Variants in ZMIZ1 observed in about 807,000 individuals in gnomAD.
The protein encoded by ZMIZ1 is zinc finger MIZ-type containing 1, also known as zinc finger MIZ domain-containing protein 1.
In ZMIZ1, 17 loss-of-function variants were observed where a neutral mutation model predicts 113.9. That is an observed-to-expected ratio of 0.15 (90% confidence interval 0.10 to 0.22). The LOEUF (loss-of-function observed/expected upper bound fraction) is 0.22. Ranked by LOEUF, ZMIZ1 falls within the 10% of genes least tolerant of loss-of-function variation. The probability of loss-of-function intolerance (pLI) is 1.00; values close to 1 mark genes in which losing one functional copy is unlikely to be tolerated. For synonymous variants in ZMIZ1, 607 were observed against 603.1 expected, an observed-to-expected ratio of 1.01 and a Z score of -0.09; for missense variants, 1,059 against 1,477.8, an observed-to-expected ratio of 0.72 and a Z score of 4.65.
intron 3 of ZMIZ1, among the ~76,000 whole-genome samples, chr10:79,145,812 C>T (rs556599371): frequency 1.3e-5 from 2 of 152,294 alleles, no homozygotes; most frequent in African/African-American, 4.8e-5. Context: ...GCTCAACTGA[C>T]CCTCCCACCT....
chr10:79,264,012 C>T (rs1197709499), intron 7 of ZMIZ1, among the ~76,000 whole-genome samples: 1 of 152,228 alleles, frequency 6.6e-6, no homozygotes, highest in Admixed American at 6.5e-5. Context: ...CCTTCCATCT[C>T]CCTGAGAGCC....
intron 3 of ZMIZ1, among the ~76,000 whole-genome samples, chr10:79,153,618 T>A (rs1845789823): frequency 6.6e-6 from 1 of 152,238 alleles, no homozygotes; most frequent in African/African-American, 2.4e-5. Context: ...AGTGCTCCTG[T>A]TGCCTGGGCT....
At chr10:79,302,705 TGA>T (rs71482722) in intron 18 of ZMIZ1, among the ~76,000 whole-genome samples, 21,261 of 90,974 alleles carry the variant, frequency 0.23, 4,289 homozygotes, top group Non-Finnish European at 0.32. Flanking sequence ...TTTTTTTTTT[TGA>T]GAGAGAGAGA....
At chr10:79,125,772 G>A (rs759362916) in intron 2 of ZMIZ1, among the ~76,000 whole-genome samples, 1 of 152,218 alleles carries the variant, frequency 6.6e-6, no homozygotes, top group Non-Finnish European at 1.5e-5. Flanking sequence ...GTGGTCTTTA[G>A]AAATCATTTT....
At chr10:79,173,733 A>G (rs1301918906) in intron 4 of ZMIZ1, among the ~76,000 whole-genome samples, 1 of 152,118 alleles carries the variant, frequency 6.6e-6, no homozygotes, top group Admixed American at 6.5e-5. Flanking sequence ...CAGTCATTTT[A>G]TATGTATTAT....
chr10:79,267,998 C>T (rs894586587), intron 7 of ZMIZ1, among the ~76,000 whole-genome samples: 1 of 152,188 alleles, frequency 6.6e-6, no homozygotes, highest in African/African-American at 2.4e-5. Flanking sequence ...GACCCCATTG[C>T]CTTGAACTCC....
chr10:79,249,732 T>C (rs78121851), intron 7 of ZMIZ1, among the ~76,000 whole-genome samples: 1,978 of 152,302 alleles, frequency 0.013, 41 homozygotes, highest in African/African-American at 0.046. Flanking sequence ...GAAAGATCTG[T>C]TGGCAGTGCT....
In ZMIZ1 at chr10:79,249,627, T is replaced by C. The variant is rs374777266; in HGVS notation, c.281-27554T>C. ...TTAAATGTACATTAGTAAAATTAAA[T>C]GAAGTTTTCAGTTCCTCAGTCACAG... On this transcript the variant is annotated intron_variant, in intron 7 of 24. Coordinates refer to ENST00000334512, the MANE Select transcript of ZMIZ1 (RefSeq NM_020338.4). Among the ~76,000 whole-genome samples the C allele has an allele frequency of 2.2e-4, 34 of 152,358 alleles. No individual in the cohort carries two copies. The East Asian group carries it at 3.5e-3, about 16-fold the overall frequency.
intron 7 of ZMIZ1, among the ~76,000 whole-genome samples, chr10:79,239,645 A>G (rs544630151): frequency 4.6e-5 from 7 of 152,078 alleles, no homozygotes; most frequent in Non-Finnish European, 8.8e-5. Flanking sequence ...TGGCTTTTGT[A>G]TGCTTGTCTT....
intron 1 of ZMIZ1, among the ~76,000 whole-genome samples, chr10:79,085,383 T>TGGG (rs1842778642): frequency 6.6e-6 from 1 of 152,136 alleles, no homozygotes; most frequent in African/African-American, 2.4e-5. Context: ...AGGCCCGCAG[T>TGGG]TGAGTTCCCA....
intron 7 of ZMIZ1, among the ~76,000 whole-genome samples, chr10:79,275,966 A>C (rs1439526331): frequency 6.6e-6 from 1 of 152,226 alleles, no homozygotes; most frequent in East Asian, 1.9e-4. Flanking sequence ...CTTTGCACCC[A>C]GCCAAGTGGC....
intron 2 of ZMIZ1, among the ~76,000 whole-genome samples, chr10:79,138,865 G>A (rs1845136821): frequency 6.6e-6 from 1 of 152,070 alleles, no homozygotes; most frequent in Non-Finnish European, 1.5e-5. Flanking sequence ...GATTGCTTTG[G>A]ACAAGGCCAG....
At chr10:79,104,214 C>T (rs1843471352) in intron 1 of ZMIZ1, among the ~76,000 whole-genome samples, 1 of 152,240 alleles carries the variant, frequency 6.6e-6, no homozygotes, top group African/African-American at 2.4e-5. Context: ...CCGTGTGAAA[C>T]ACAGCCTTTC....
intron 1 of ZMIZ1, among the ~76,000 whole-genome samples, chr10:79,073,924 G>T (rs1428137317): frequency 6.6e-6 from 1 of 152,178 alleles, no homozygotes; most frequent in Non-Finnish European, 1.5e-5. Context: ...CAGAACTGTG[G>T]AAGACAGTTC....
chr10:79,298,968 A>G (rs1366991113), intron 15 of ZMIZ1, 82 bp from the exon 16 acceptor site: 2 of 1,513,536 alleles, frequency 1.3e-6, no homozygotes. Context: ...CATGCAGCCC[A>G]GGGTGAGCAA....
intron 5 of ZMIZ1, among the ~76,000 whole-genome samples, chr10:79,206,072 CCCCCCAG>C (rs1388309242): frequency 1.3e-5 from 2 of 151,874 alleles, no homozygotes; most frequent in African/African-American, 2.4e-5. Flanking sequence ...CGCACCACTA[CCCCCCAG>C]CCTGGGTGAC....
At chr10:79,245,583 A>G (rs1850143680) in intron 7 of ZMIZ1, among the ~76,000 whole-genome samples, 3 of 152,130 alleles carry the variant, frequency 2.0e-5, no homozygotes. Flanking sequence ...TTGGTTGAGC[A>G]CCCAGTCCAT....
chr10:79,258,610 T>C (rs935964810), intron 7 of ZMIZ1, among the ~76,000 whole-genome samples: 1 of 152,208 alleles, frequency 6.6e-6, no homozygotes, highest in African/African-American at 2.4e-5. Context: ...TTGGTGATTG[T>C]CATGCGTAGG....
intron 4 of ZMIZ1, among the ~76,000 whole-genome samples, chr10:79,189,457 C>A (rs995853401): frequency 6.6e-6 from 1 of 152,198 alleles, no homozygotes; most frequent in Non-Finnish European, 1.5e-5. Context: ...GTTTCCTAGT[C>A]ACTAACCCAG....
Sources: allele counts gnomAD v4.1 joint callset (sites outside exome capture counted in the v4.1 genomes callset), GRCh38; gene constraint gnomAD v4.1.1; transcripts MANE v1.5; gene names NCBI Gene and HGNC (gene_info 2026-07-23, HGNC 2026-07-21).